UPK1B: variants seen among roughly 807,000 people sequenced by gnomAD.
UPK1B encodes uroplakin-1b.
In UPK1B, 28 loss-of-function variants were observed where a neutral mutation model predicts 34.2. That is an observed-to-expected ratio of 0.82 (90% CI 0.61 to 1.12). The LOEUF (loss-of-function observed/expected upper bound fraction) is 1.12. Ranked by LOEUF, UPK1B falls within the 50% of genes most tolerant of loss-of-function variation. The pLI is 0.00. For missense variants in UPK1B, 325 were observed against 320.9 expected, an observed-to-expected ratio of 1.01 and a Z score of -0.10; for synonymous variants, 81 against 110.4, an observed-to-expected ratio of 0.73 and a Z score of 1.67.
At chr3:119,182,453 T>A (rs1340923891) in intron 1 of UPK1B, among the ~76,000 whole-genome samples, 1 of 152,252 alleles carries the variant, frequency 6.6e-6, no homozygotes, top group East Asian at 1.9e-4. Flanking sequence ...GTAAACAATC[T>A]TAGTGCTTAC....
At chr3:119,200,620 G>C (rs2078086708) in intron 7 of UPK1B, among the ~76,000 whole-genome samples, 1 of 152,132 alleles carries the variant, frequency 6.6e-6, no homozygotes, top group Admixed American at 6.6e-5. Flanking sequence ...TTGCCACATG[G>C]AAAATACCTT....
intron 2 of UPK1B, 68 bp downstream of exon 2, chr3:119,186,878 T>G: frequency 1.3e-6 from 2 of 1,542,258 alleles, no homozygotes; most frequent in Non-Finnish European, 1.8e-6. Flanking sequence ...GAATCAAAAG[T>G]AAGAGTTTAA....
chr3:119,188,118 G>T, intron 3 of UPK1B, 143 bp downstream of exon 3: 1 of 884,272 alleles, frequency 1.1e-6, no homozygotes, highest in Non-Finnish European at 1.8e-6. Context: ...TTTCCCTGCA[G>T]TGAAATGGTC....
chr3:119,178,196 C>T (rs2077966672), intron 1 of UPK1B, among the ~76,000 whole-genome samples: 1 of 152,128 alleles, frequency 6.6e-6, no homozygotes, highest in African/African-American at 2.4e-5. Context: ...TTAGGTGGTC[C>T]AACCACTCCT....
intron 1 of UPK1B, among the ~76,000 whole-genome samples, chr3:119,180,074 C>A (rs1376288547): frequency 6.6e-6 from 1 of 152,002 alleles, no homozygotes; most frequent in East Asian, 1.9e-4. Flanking sequence ...CCTCAGCATC[C>A]CAAAGTGCTG....
At chr3:119,182,517 C>A (rs951584552) in intron 1 of UPK1B, among the ~76,000 whole-genome samples, 1 of 152,220 alleles carries the variant, frequency 6.6e-6, no homozygotes, top group Non-Finnish European at 1.5e-5. Flanking sequence ...CTCCATCTAA[C>A]AAGTTATTGT....
At chr3:119,199,346 T>C (rs1055753066) in intron 7 of UPK1B, among the ~76,000 whole-genome samples, 8 of 152,216 alleles carry the variant, frequency 5.3e-5, no homozygotes, top group African/African-American at 1.9e-4. Flanking sequence ...AGGGAAAGGC[T>C]GTGCCCTGCC....
intron 2 of UPK1B, among the ~76,000 whole-genome samples, chr3:119,187,414 T>C (rs2078024112): frequency 6.6e-6 from 1 of 152,210 alleles, no homozygotes; most frequent in Admixed American, 6.5e-5. Flanking sequence ...CTGTCATTGA[T>C]AAATATGACC....
At chr3:119,200,253 T>C (rs1381515470) in intron 7 of UPK1B, among the ~76,000 whole-genome samples, 1 of 152,182 alleles carries the variant, frequency 6.6e-6, no homozygotes, top group African/African-American at 2.4e-5. Flanking sequence ...GGATCTTACT[T>C]TGTTGCCTAG....
In UPK1B at chr3:119,179,371, ATATATATATATATATATATATATATAT is replaced by A. The variant is rs1559899997; in HGVS notation, c.-29+5736_-29+5762del. Among the ~76,000 whole-genome samples, 2 of 73,110 alleles carry A rather than the reference ATATATATATATATATATATATATATAT, an allele frequency of 2.7e-5. 1 individual carries two copies. Among genetic ancestry groups the A allele is most frequent in the African/African-American group, 8.3e-5 (2 of 24,058 alleles). 48.0% of individuals were successfully genotyped at this position (73,110 alleles called of 152,430 possible). On this transcript the variant is annotated intron_variant, in intron 1 of 7. Transcript: ENST00000264234. ...GAGGGAGATATATATATATATATAT[ATATATATATATATATATATATATATAT>A]TAATTCTAAGGAATTAACCTATGTG...
At chr3:119,187,177 A>G (rs1302927710) in intron 2 of UPK1B, among the ~76,000 whole-genome samples, 1 of 152,170 alleles carries the variant, frequency 6.6e-6, no homozygotes, top group East Asian at 1.9e-4. Flanking sequence ...AGATGCTTGC[A>G]TCTTGTTCTT....
chr3:119,186,170 A>C (rs2078018690), intron 1 of UPK1B, among the ~76,000 whole-genome samples: 1 of 152,250 alleles, frequency 6.6e-6, no homozygotes, highest in South Asian at 2.1e-4. Flanking sequence ...AGTAAATTCT[A>C]GTCCCCGTTT....
intron 6 of UPK1B, among the ~76,000 whole-genome samples, chr3:119,194,692 T>C (rs2078058595): frequency 1.3e-5 from 2 of 152,212 alleles, no homozygotes; most frequent in African/African-American, 4.8e-5. Flanking sequence ...TGTCAAGAAA[T>C]ATTTACATTA....
At position 119,175,675 on chromosome 3, in the gene UPK1B, G is replaced by A. The variant is rs79562942; in HGVS notation, c.-29+2037G>A. ...ACAGCTAGTCCCTGATTTCCAATGG[G>A]TGGATGACTCCCATCATACTGGGAG... On this transcript the variant is annotated intron_variant, in intron 1 of 7. Transcript: ENST00000264234. 4.3e-3 allele frequency among the ~76,000 whole-genome samples: 652 copies of A among 152,162 alleles called. 3 individuals are homozygous for A. Among genetic ancestry groups the A allele is most frequent in the African/African-American group, 0.015 (604 of 41,500 alleles).
intron 1 of UPK1B, among the ~76,000 whole-genome samples, chr3:119,176,608 T>C (rs552321152): frequency 1.3e-5 from 2 of 152,310 alleles, no homozygotes; most frequent in South Asian, 4.1e-4. Context: ...GGGCTATTCC[T>C]TTACATGGAA....
In UPK1B at chr3:119,204,140, A is replaced by T. The variant is rs772916634; in HGVS notation, c.*173A>T. The T allele has an allele frequency of 4.1e-5, 26 of 636,766 alleles. No homozygotes were observed. The highest frequency in any genetic ancestry group is 6.4e-5 in the Non-Finnish European group (24 of 373,772). The allele number at this position is 636,766 out of a possible 1,614,324, so 39.4% of individuals were successfully genotyped here. On this transcript the variant is annotated 3_prime_UTR_variant, in exon 8 of 8. Coordinates refer to ENST00000264234, the MANE Select transcript of UPK1B (RefSeq NM_006952.4). ...ATCTCAGGCTTCTGCAGTTCTCATG[A>T]CTCCTACTTTTCATCCTAGTCTAGC...
intron 7 of UPK1B, among the ~76,000 whole-genome samples, chr3:119,202,056 CAA>C (rs1023132486): frequency 6.6e-6 from 1 of 152,036 alleles, no homozygotes; most frequent in African/African-American, 2.4e-5. Flanking sequence ...TCTTGAAATT[CAA>C]AAGAGGGAAG....
chr3:119,190,798 A>G (rs1426674861), intron 4 of UPK1B, among the ~76,000 whole-genome samples, 184 bp from the exon 5 acceptor site: 1 of 152,216 alleles, frequency 6.6e-6, no homozygotes, highest in Non-Finnish European at 1.5e-5. Flanking sequence ...TTTTAAGATG[A>G]GAGTCTCTTC....
chr3:119,188,970 G>C (rs2078031813), intron 3 of UPK1B, among the ~76,000 whole-genome samples: 1 of 152,134 alleles, frequency 6.6e-6, no homozygotes, highest in Non-Finnish European at 1.5e-5. Flanking sequence ...CAGGGCAAAA[G>C]TACCCACTTT....
Sources: gnomAD v4.1 joint callset for allele counts (sites outside exome capture counted in the v4.1 genomes callset) on GRCh38, gnomAD v4.1.1 for gene constraint, MANE v1.5 for transcripts, NCBI Gene and HGNC (gene_info 2026-07-23, HGNC 2026-07-21) for gene names.